CNIH3: variants seen among roughly 807,000 people sequenced by gnomAD.
CNIH3 encodes the protein cornichon family AMPA receptor auxiliary protein 3.
In CNIH3, 14 loss-of-function variants were observed where a neutral mutation model predicts 24.1. That is an observed-to-expected ratio of 0.58 (90% confidence interval 0.38 to 0.91). The LOEUF is 0.91. Ranked by LOEUF, CNIH3 falls within the 40% of genes least tolerant of loss-of-function variation. The pLI, the probability that CNIH3 is intolerant of heterozygous loss-of-function variation, is 0.00. For missense variants in CNIH3, 178 were observed against 196.8 expected (o/e 0.90, Z 0.57); for synonymous variants, 68 against 73.8 (o/e 0.92, Z 0.40).
chr1:224,693,660 G>A (rs1687034930), intron 3 of CNIH3, among the ~76,000 whole-genome samples: 2 of 152,190 alleles, frequency 1.3e-5, no homozygotes, highest in South Asian at 4.1e-4. Flanking sequence ...TTCAAGCTTT[G>A]GTCAGCATGG....
chr1:224,549,284 T>C (rs1437229073), intron 3 of CNIH3, among the ~76,000 whole-genome samples: 1 of 152,090 alleles, frequency 6.6e-6, no homozygotes, highest in African/African-American at 2.4e-5. Context: ...ACTGGATGAA[T>C]AGATGTATCA....
intron 1 of CNIH3, among the ~76,000 whole-genome samples, chr1:224,650,707 T>C (rs1327655929): frequency 6.6e-6 from 1 of 152,206 alleles, no homozygotes; most frequent in East Asian, 1.9e-4. Flanking sequence ...GCTTTCTATG[T>C]GCGCGAGGAT....
chr1:224,493,087 T>C (rs1285510185), intron 1 of CNIH3, among the ~76,000 whole-genome samples: 2 of 152,164 alleles, frequency 1.3e-5, no homozygotes, highest in African/African-American at 4.8e-5. Flanking sequence ...TCCCTTGAAA[T>C]CTTGTTTTAT....
rs184452764 is a variant in CNIH3 at position 224,463,929 on chromosome 1, T to C, written n.203+29067T>C. On this transcript the variant is annotated intron_variant and non_coding_transcript_variant, in intron 1 of 5. Transcript: ENST00000471578. ...CCTCAGCCTCCCGAGTAGCTGGGAC[T>C]ACAGGCACATGCCACCACACCTGGC... 2.0e-3 allele frequency among the ~76,000 whole-genome samples: 308 copies of C among 151,670 alleles called. 1 individual carries two copies. Among genetic ancestry groups the C allele is most frequent in the African/African-American group, 4.7e-3 (196 of 41,318 alleles).
chr1:224,739,695 G>T lies in CNIH3; in HGVS notation c.*339G>T. The T allele has an allele frequency of 2.8e-6, 1 of 363,332 alleles. No individual in the cohort carries two copies. Among genetic ancestry groups the T allele is most frequent in the Non-Finnish European group, 4.8e-6 (1 of 206,324 alleles). 22.5% of individuals were successfully genotyped at this position (363,332 alleles called of 1,614,324 possible). On this transcript the variant is annotated 3_prime_UTR_variant, in exon 6 of 6. Transcript: ENST00000272133. ...CTTCCTGAATCCACTTCATTGAACA[G>T]CACCTTGCAAGTTCAAATGAGTTCC...
intron 2 of CNIH3, among the ~76,000 whole-genome samples, chr1:224,529,910 T>G (rs545777656): frequency 1.7e-4 from 26 of 152,244 alleles, no homozygotes; most frequent in Non-Finnish European, 3.1e-4. Context: ...TAAATGCTGA[T>G]GTAGGCATGG....
intron 1 of CNIH3, among the ~76,000 whole-genome samples, chr1:224,505,841 A>G (rs1243732252): frequency 1.3e-5 from 2 of 152,362 alleles, no homozygotes; most frequent in East Asian, 1.9e-4. Flanking sequence ...TAAACTGCCA[A>G]TTGATTACCA....
At chr1:224,491,110 T>A (rs1470427606) in intron 1 of CNIH3, among the ~76,000 whole-genome samples, 2 of 152,204 alleles carry the variant, frequency 1.3e-5, no homozygotes, top group Non-Finnish European at 2.9e-5. Context: ...CCACAAGTAC[T>A]CAAATATAGA....
intron 1 of CNIH3, among the ~76,000 whole-genome samples, chr1:224,489,146 T>C (rs1677145277): frequency 6.6e-6 from 1 of 152,234 alleles, no homozygotes; most frequent in Admixed American, 6.5e-5. Flanking sequence ...TCTTCTTTTT[T>C]TTAATGGTAG....
At chr1:224,692,391 G>A (rs1048629539) in intron 3 of CNIH3, among the ~76,000 whole-genome samples, 2 of 152,188 alleles carry the variant, frequency 1.3e-5, no homozygotes, top group African/African-American at 4.8e-5. Flanking sequence ...CTTCATTTCA[G>A]TTCTTTTTAG....
chr1:224,727,176 G>A (rs190584472), intron 3 of CNIH3, among the ~76,000 whole-genome samples: 5 of 152,338 alleles, frequency 3.3e-5, no homozygotes, highest in African/African-American at 1.2e-4. Context: ...ATGGTTGGGG[G>A]AGGATAAACA....
intron 1 of CNIH3, among the ~76,000 whole-genome samples, chr1:224,462,712 T>TCAC (rs1236687165): frequency 1.4e-5 from 2 of 140,164 alleles, no homozygotes; most frequent in Non-Finnish European, 3.0e-5. Context: ...TGATCACGGC[T>TCAC]CACCAGAGCC....
At chr1:224,707,698 A>AT (rs899501696) in intron 3 of CNIH3, among the ~76,000 whole-genome samples, 2 of 152,170 alleles carry the variant, frequency 1.3e-5, no homozygotes, top group Non-Finnish European at 2.9e-5. Context: ...CATAATCTGC[A>AT]TTTTAACAAG....
At chr1:224,557,481 T>C (rs1203663245) in intron 3 of CNIH3, among the ~76,000 whole-genome samples, 2 of 151,992 alleles carry the variant, frequency 1.3e-5, no homozygotes, top group African/African-American at 4.8e-5. Flanking sequence ...GTTCTTTTTA[T>C]TTTAGACAGA....
intron 2 of CNIH3, among the ~76,000 whole-genome samples, chr1:224,682,145 C>T (rs1558288132): frequency 1.3e-5 from 2 of 152,108 alleles, no homozygotes; most frequent in South Asian, 2.1e-4. Context: ...ATGGAAGAAC[C>T]GGGATTCAGT....
rs189069714 is a variant in CNIH3 at position 224,533,100 on chromosome 1, A to G, written n.344-3836A>G. 4.6e-5 allele frequency among the ~76,000 whole-genome samples: 7 copies of G among 152,312 alleles called. No individual in the cohort carries two copies. In the East Asian group the frequency reaches 5.8e-4, roughly 13 times the overall value. On this transcript the variant is annotated intron_variant and non_coding_transcript_variant, in intron 2 of 2. Transcript: ENST00000470602. ...ACAGAGAAACCTGAGTCAGGCTGTG[A>G]GAAAAGGTTAGACTTTGTTGATTTG...
intron 3 of CNIH3, among the ~76,000 whole-genome samples, chr1:224,559,584 G>T (rs569673735): frequency 6.6e-6 from 1 of 152,092 alleles, no homozygotes; most frequent in South Asian, 2.1e-4. Flanking sequence ...TGTTGCCCAG[G>T]CTGATCTCCA....
intron 1 of CNIH3, among the ~76,000 whole-genome samples, chr1:224,465,475 A>G (rs761652636): frequency 1.3e-5 from 2 of 152,360 alleles, no homozygotes; most frequent in Admixed American, 6.5e-5. Context: ...CACACATAAC[A>G]TAAGTTTACA....
At chr1:224,617,809 AAGG>A (rs1453619026) in intron 1 of CNIH3, among the ~76,000 whole-genome samples, 2 of 151,916 alleles carry the variant, frequency 1.3e-5, no homozygotes, top group East Asian at 1.9e-4. Context: ...GAAAGGCGAG[AAGG>A]AGAAGAGCAA....
Sources: allele counts gnomAD v4.1 joint callset (sites outside exome capture counted in the v4.1 genomes callset), GRCh38; gene constraint gnomAD v4.1.1; transcripts MANE v1.5; gene names NCBI Gene and HGNC (gene_info 2026-07-23, HGNC 2026-07-21).